ADGRL2: variants seen among roughly 807,000 people sequenced by gnomAD.
ADGRL2 encodes the protein calcium-independent alpha-latrotoxin receptor 2.
Under a neutral mutation model 157.4 loss-of-function variants are expected in ADGRL2, and 44 were observed. The ratio of observed to expected loss-of-function variants is 0.28; its 90% CI spans 0.22 to 0.36. ADGRL2 has a LOEUF of 0.36. ADGRL2 is among the 10% of genes least tolerant of loss of function. The pLI is 1.00. For missense variants in ADGRL2, 1,510 were observed against 1,768.9 expected (o/e 0.85, Z 2.63); for synonymous variants, 585 against 624.7 (o/e 0.94, Z 0.95).
rs575021404 is a variant in ADGRL2 at position 81,750,137 on chromosome 1, T to A, written c.-142-11674T>A. On this transcript the variant is annotated intron_variant, in intron 1 of 20. Coordinates refer to the ADGRL2 transcript ENST00000359929. ...GCAGACAAGCTTTTTCAAAAGTATC[T>A]CAATTTGTTCTCATGCTCTTCTTTT... 2.0e-5 allele frequency among the ~76,000 whole-genome samples: 3 copies of A among 152,326 alleles called. No individual in the cohort carries two copies. In the South Asian group the frequency reaches 6.2e-4, roughly 32 times the overall value.
chr1:81,495,074 G>A (rs2078704956), intron 2 of ADGRL2, among the ~76,000 whole-genome samples: 1 of 152,162 alleles, frequency 6.6e-6, no homozygotes, highest in Admixed American at 6.5e-5. Flanking sequence ...GGGTAGAGCA[G>A]ATGGTTGAAG....
At chr1:81,907,701 A>G (rs1177852518) in intron 3 of ADGRL2, among the ~76,000 whole-genome samples, 1 of 152,068 alleles carries the variant, frequency 6.6e-6, no homozygotes, top group Non-Finnish European at 1.5e-5. Flanking sequence ...TATGATCCAT[A>G]TCCACACACA....
chr1:81,970,009 C>CAA (rs58508297), intron 15 of ADGRL2, among the ~76,000 whole-genome samples: 4 of 151,416 alleles, frequency 2.6e-5, no homozygotes, highest in Admixed American at 6.6e-5. Flanking sequence ...ACAGATAATT[C>CAA]ACAAATTATG....
chr1:81,908,196 T>G (rs2094627295), intron 3 of ADGRL2, among the ~76,000 whole-genome samples: 1 of 152,210 alleles, frequency 6.6e-6, no homozygotes, highest in Non-Finnish European at 1.5e-5. Flanking sequence ...TTTGTTTAAA[T>G]ACTCTCATTG....
chr1:81,718,133 C>T lies in ADGRL2; in HGVS notation c.-143+18325C>T, dbSNP rs370539397. Among the ~76,000 whole-genome samples, 7 of 152,284 alleles carry T rather than the reference C, an allele frequency of 4.6e-5. No homozygotes were observed. The East Asian group carries it at 1.2e-3, about 25-fold the overall frequency. On this transcript the variant is annotated intron_variant, in intron 1 of 20. Coordinates refer to the ADGRL2 transcript ENST00000359929. ...CTCTCGGGTTCAAGTGATTCTCCTG[C>T]CTCAGCCTCCTGAGTAGCTGGGACC...
intron 1 of ADGRL2, among the ~76,000 whole-genome samples, chr1:81,819,524 T>G (rs2090765624): frequency 6.6e-6 from 1 of 152,294 alleles, no homozygotes; most frequent in African/African-American, 2.4e-5. Context: ...TTTTAAATGT[T>G]TTCGAGTGTA....
At chr1:81,416,681 A>G (rs566048279) in intron 1 of ADGRL2, among the ~76,000 whole-genome samples, 1 of 152,318 alleles carries the variant, frequency 6.6e-6, no homozygotes, top group South Asian at 2.1e-4. Context: ...TATCATGTAT[A>G]AGATAACCTA....
intron 2 of ADGRL2, among the ~76,000 whole-genome samples, chr1:81,876,671 T>C (rs1284802048): frequency 1.3e-5 from 2 of 152,102 alleles, no homozygotes; most frequent in East Asian, 1.9e-4. Flanking sequence ...ACACCCTAAT[T>C]TGTGACTCGA....
At chr1:81,939,891 G>A (rs1647259879) in intron 4 of ADGRL2, among the ~76,000 whole-genome samples, 1 of 151,128 alleles carries the variant, frequency 6.6e-6, no homozygotes, top group South Asian at 2.1e-4. Context: ...TTTTCCTTAT[G>A]TGATTCATTA....
intron 1 of ADGRL2, among the ~76,000 whole-genome samples, chr1:81,421,779 C>T (rs191218734): frequency 1.3e-5 from 2 of 151,852 alleles, no homozygotes; most frequent in African/African-American, 2.4e-5. Context: ...TTTAGGTTTC[C>T]AATTAGTTGC....
chr1:81,906,885 A>T, intron 2 of ADGRL2, 132 bp from the exon 3 acceptor site: 1 of 716,490 alleles, frequency 1.4e-6, no homozygotes, highest in Non-Finnish European at 2.2e-6. Flanking sequence ...CCAAAAAATT[A>T]TTTAATAAAT....
intron 1 of ADGRL2, among the ~76,000 whole-genome samples, chr1:81,749,538 A>G (rs2085420121): frequency 6.6e-6 from 1 of 152,210 alleles, no homozygotes; most frequent in Non-Finnish European, 1.5e-5. Flanking sequence ...CCATCAGGAC[A>G]GGAACTTTGA....
chr1:81,830,026 C>T (rs1397952598), intron 1 of ADGRL2, among the ~76,000 whole-genome samples: 1 of 152,162 alleles, frequency 6.6e-6, no homozygotes, highest in Non-Finnish European at 1.5e-5. Context: ...CTTCTCTTAG[C>T]TTCTCATCAC....
At chr1:81,404,318 G>T (rs956598149) in intron 1 of ADGRL2, among the ~76,000 whole-genome samples, 2 of 152,190 alleles carry the variant, frequency 1.3e-5, no homozygotes, top group Non-Finnish European at 2.9e-5. Context: ...ATCGTAGAAA[G>T]TTCCTGTGAA....
chr1:81,557,274 A>G (rs2080307540), intron 2 of ADGRL2: 2 of 196,846 alleles, frequency 1.0e-5, no homozygotes, highest in African/African-American at 2.4e-5. Flanking sequence ...GTGCTTCTGG[A>G]CTTCTTTCCA....
chr1:81,721,619 G>T, intron 1 of ADGRL2: 2 of 643,244 alleles, frequency 3.1e-6, no homozygotes, highest in Non-Finnish European at 5.4e-6. Flanking sequence ...TTGCTTCTGT[G>T]CGGTCACGCC....
chr1:81,834,733 G>T (rs939440473), intron 1 of ADGRL2, among the ~76,000 whole-genome samples: 1 of 151,918 alleles, frequency 6.6e-6, no homozygotes, highest in Admixed American at 6.6e-5. Flanking sequence ...CAGGCAGATT[G>T]ACTTAAGCTT....
chr1:81,800,929 T>C (rs1253826268), upstream of ADGRL2, among the ~76,000 whole-genome samples: 1 of 148,804 alleles, frequency 6.7e-6, no homozygotes, highest in East Asian at 2.0e-4. Flanking sequence ...CGGGGCGCGT[T>C]CCACGGCCGT....
At chr1:81,405,120 C>T (rs749818222) in intron 1 of ADGRL2, among the ~76,000 whole-genome samples, 4 of 152,088 alleles carry the variant, frequency 2.6e-5, no homozygotes, top group Non-Finnish European at 5.9e-5. Flanking sequence ...AATTTTATGA[C>T]GGTGCTGTAA....
Sources: gnomAD v4.1 joint callset for allele counts (sites outside exome capture counted in the v4.1 genomes callset) on GRCh38, gnomAD v4.1.1 for gene constraint, MANE v1.5 for transcripts, NCBI Gene and HGNC (gene_info 2026-07-23, HGNC 2026-07-21) for gene names.